Variants in CDH6 observed in about 807,000 individuals in gnomAD.
CDH6 encodes the protein cadherin 6.
A neutral mutation model predicts 78.0 loss-of-function variants in CDH6; 31 were observed. That is an observed-to-expected ratio of 0.40 (90% CI 0.30 to 0.54). CDH6 has a LOEUF of 0.54. Among genes scored for constraint, CDH6 ranks in the 20% least tolerant of loss-of-function variants. The pLI is 0.56. For synonymous variants in CDH6, 376 were observed against 368.8 expected (o/e 1.02, Z -0.23); for missense variants, 724 against 975.9 (o/e 0.74, Z 3.44).
intron 1 of CDH6, among the ~76,000 whole-genome samples, chr5:31,204,182 A>T (rs573533507): frequency 3.3e-5 from 5 of 152,294 alleles, no homozygotes; most frequent in Non-Finnish European, 7.4e-5. Flanking sequence ...TTCACTTTTG[A>T]TTCTGTTACC....
intron 1 of CDH6, among the ~76,000 whole-genome samples, chr5:31,257,172 T>A (rs1257448773): frequency 1.3e-5 from 2 of 152,136 alleles, no homozygotes; most frequent in Non-Finnish European, 2.9e-5. Flanking sequence ...TTTGTTTGTT[T>A]GTTTGTTTTG....
chr5:31,243,277 G>T (rs777647743), intron 1 of CDH6, among the ~76,000 whole-genome samples: 1 of 152,042 alleles, frequency 6.6e-6, no homozygotes, highest in Non-Finnish European at 1.5e-5. Flanking sequence ...GGGGACATGA[G>T]GAGAAGGGGC....
intron 1 of CDH6, among the ~76,000 whole-genome samples, chr5:31,225,354 A>G (rs1346430560): frequency 6.6e-6 from 1 of 152,014 alleles, no homozygotes; most frequent in Non-Finnish European, 1.5e-5. Context: ...TGATATTATT[A>G]CTCTTACTAT....
At position 31,325,179 on chromosome 5, in the gene CDH6, T is replaced by G; in HGVS notation, c.*1871T>G. 4.4e-6 allele frequency: 1 copy of G among 228,652 alleles called. No individual in the cohort carries two copies. Among genetic ancestry groups the G allele is most frequent in the East Asian group, 6.3e-5 (1 of 15,962 alleles). The allele number at this position is 228,652 out of a possible 1,614,324, so 14.2% of individuals were successfully genotyped here. Reference sequence around the variant, plus strand: ...TGGGTTACCTGATTAGAGTGAAAATTTTTTACAATCATATTATTCCTTGTG... The same window carrying G: ...TGGGTTACCTGATTAGAGTGAAAATGTTTTACAATCATATTATTCCTTGTG... On this transcript the variant is annotated 3_prime_UTR_variant, in exon 12 of 12. Coordinates refer to ENST00000265071, the MANE Select transcript of CDH6 (RefSeq NM_004932.4).
chr5:31,256,998 A>G (rs1269059926), intron 1 of CDH6, among the ~76,000 whole-genome samples: 3 of 152,190 alleles, frequency 2.0e-5, no homozygotes, highest in African/African-American at 7.2e-5. Flanking sequence ...ACGACTTTCG[A>G]CAGTAATTTT....
chr5:31,313,358 A>C lies in CDH6; in HGVS notation c.1294A>C (p.Asn432His). 6.2e-7 allele frequency: 1 copy of C among 1,613,222 alleles called. No homozygotes were observed. Among genetic ancestry groups the C allele is most frequent in the Non-Finnish European group, 8.5e-7 (1 of 1,179,130 alleles). ...ACACACAGATATGGACAGAATATTC[A>C]ACATTGATTCTGGAAATGGTTCGAT... ...DRHTDMDRIF[N>H]IDSGNGSIFT... Residue 432 changes from asparagine (N) to histidine (H), a missense_variant, in exon 8 of 12, where the codon AAC (asparagine) becomes CAC (histidine). By Grantham distance (68) the Asn-to-His change is moderately conservative (BLOSUM62 1). This residue lies in a region of CDH6 where 446 missense variants were observed against 684.5 expected (regional missense o/e 0.65). Coordinates refer to ENST00000265071, the MANE Select transcript of CDH6 (RefSeq NM_004932.4).
At chr5:31,230,787 C>A (rs546288288) in intron 1 of CDH6, among the ~76,000 whole-genome samples, 1 of 152,130 alleles carries the variant, frequency 6.6e-6, no homozygotes, top group East Asian at 1.9e-4. Context: ...GAGATGTATA[C>A]AAAAGAAGCT....
intron 1 of CDH6, among the ~76,000 whole-genome samples, chr5:31,201,397 A>T (rs1740345159): frequency 2.0e-5 from 3 of 152,186 alleles, no homozygotes; most frequent in Admixed American, 2.0e-4. Flanking sequence ...CAGGAGACCC[A>T]AAGTTGTATC....
At chr5:31,202,017 C>T (rs887161158) in intron 1 of CDH6, among the ~76,000 whole-genome samples, 2 of 152,098 alleles carry the variant, frequency 1.3e-5, no homozygotes, top group African/African-American at 4.8e-5. Context: ...GCGGATAATT[C>T]AGTGGGAAAT....
At chr5:31,228,619 A>C (rs1741230125) in intron 1 of CDH6, among the ~76,000 whole-genome samples, 1 of 152,180 alleles carries the variant, frequency 6.6e-6, no homozygotes, top group South Asian at 2.1e-4. Context: ...AGCAGAGGAT[A>C]TGGTTTCAGG....
intron 1 of CDH6, among the ~76,000 whole-genome samples, chr5:31,206,801 T>C (rs1740534950): frequency 6.6e-6 from 1 of 152,220 alleles, no homozygotes; most frequent in Non-Finnish European, 1.5e-5. Flanking sequence ...AAATTAGCTT[T>C]GAGTTTCATG....
At chr5:31,211,839 T>C (rs1740716554) in intron 1 of CDH6, among the ~76,000 whole-genome samples, 1 of 152,170 alleles carries the variant, frequency 6.6e-6, no homozygotes. Flanking sequence ...AGGACAAATA[T>C]GTTTTGTTTG....
chr5:31,208,018 G>A (rs977335379), intron 1 of CDH6, among the ~76,000 whole-genome samples: 2 of 152,212 alleles, frequency 1.3e-5, no homozygotes, highest in Non-Finnish European at 2.9e-5. Context: ...GGGGGCTAAC[G>A]CTAGATTGGA....
At position 31,247,396 on chromosome 5, in the gene CDH6, C is replaced by T. The variant is rs935262941; in HGVS notation, c.-128-19950C>T. ...GTAAAGTAAAAATTTCAACCCATAT[C>T]CAGCTGATTGCAAAGCTCATTCTCT... On this transcript the variant is annotated intron_variant, in intron 1 of 11. Coordinates refer to ENST00000265071, the MANE Select transcript of CDH6 (RefSeq NM_004932.4). 3.3e-5 allele frequency among the ~76,000 whole-genome samples: 5 copies of T among 152,186 alleles called. No individual in the cohort carries two copies. In the South Asian group the frequency reaches 1.0e-3, roughly 32 times the overall value.
At position 31,210,076 on chromosome 5, in the gene CDH6, T is replaced by TTGTGTGTGTGTGTGTGTG. The variant is rs60543109; in HGVS notation, c.-129+16206_-129+16223dup. Among the ~76,000 whole-genome samples the TTGTGTGTGTGTGTGTGTG allele has an allele frequency of 9.2e-3, 1,350 of 146,536 alleles. 13 individuals are homozygous for TTGTGTGTGTGTGTGTGTG. Among genetic ancestry groups the TTGTGTGTGTGTGTGTGTG allele is most frequent in the African/African-American group, 0.021 (832 of 39,654 alleles). ...ATTCTTGGGACCAGCTTTTCTTAAA[T>TTGTGTGTGTGTGTGTGTG]TGTGTGTGTGTGTGTGTGTGTGTGT... On this transcript the variant is annotated intron_variant, in intron 1 of 11. Transcript: ENST00000265071.
At chr5:31,227,145 G>A (rs1741175279) in intron 1 of CDH6, among the ~76,000 whole-genome samples, 1 of 152,084 alleles carries the variant, frequency 6.6e-6, no homozygotes, top group African/African-American at 2.4e-5. Flanking sequence ...AAAGAAGAGT[G>A]GAGGTATCTC....
At chr5:31,208,965 T>C (rs538242471) in intron 1 of CDH6, among the ~76,000 whole-genome samples, 1 of 152,294 alleles carries the variant, frequency 6.6e-6, no homozygotes, top group African/African-American at 2.4e-5. Context: ...TGCTTGGCAG[T>C]GAAACATGCA....
intron 2 of CDH6, among the ~76,000 whole-genome samples, chr5:31,273,502 G>C (rs1390031510): frequency 6.6e-6 from 1 of 152,146 alleles, no homozygotes; most frequent in Non-Finnish European, 1.5e-5. Context: ...CTAAGGCTCA[G>C]AGCAGTCAAG....
At position 31,299,406 on chromosome 5, in the gene CDH6, T is replaced by C. The variant is rs1226961142; in HGVS notation, c.644-58T>C. 13 of 1,361,586 alleles carry C rather than the reference T, an allele frequency of 9.5e-6. No individual in the cohort carries two copies. In the African/African-American group the frequency reaches 1.1e-4, roughly 12 times the overall value. 84.3% of individuals were successfully genotyped at this position (1,361,586 alleles called of 1,614,324 possible). On this transcript the variant is annotated intron_variant, in intron 4 of 11. Transcript: ENST00000265071. Reference sequence around the variant, plus strand: ...AGTTTATGTTGTTTGCATAAATCAATGATTCCATAAAGTATTCTTAATGCA... The same window carrying C: ...AGTTTATGTTGTTTGCATAAATCAACGATTCCATAAAGTATTCTTAATGCA...
Sources: gnomAD v4.1 joint callset for allele counts (sites outside exome capture counted in the v4.1 genomes callset) on GRCh38, gnomAD v4.1.1 for gene constraint, gnomAD v4.1.1 regional missense constraint, MANE v1.5 for transcripts, NCBI Gene and HGNC (gene_info 2026-07-23, HGNC 2026-07-21) for gene names.